Variants in SYN3 observed in about 807,000 individuals in gnomAD.
SYN3 encodes synapsin III, also known as synapsin-3.
SYN3 carries 35 observed loss-of-function variants against 65.8 expected under a neutral mutation model. The observed-to-expected ratio is 0.53, with a 90% CI of 0.41 to 0.70. The LOEUF is 0.70. Ranked by LOEUF, SYN3 falls within the 30% of genes least tolerant of loss-of-function variation. The pLI, the probability that SYN3 is intolerant of heterozygous loss-of-function variation, is 0.00. For missense variants in SYN3, 680 were observed against 749.0 expected (o/e 0.91, Z 1.08); for synonymous variants, 270 against 292.9 (o/e 0.92, Z 0.80).
Position 32,514,949 on chromosome 22 carries a change from G to A in SYN3, c.1611-1125C>T, listed in dbSNP as rs867523409. On this transcript the variant is annotated intron_variant, in intron 13 of 13. Coordinates refer to ENST00000358763, the MANE Select transcript of SYN3 (RefSeq NM_003490.4). The stretch of plus-strand genomic sequence containing the variant: ...GAGAATGGCATGAATCCTTGAGGCG[G>A]AGCTTGCAGTGAGCCGAGATGGCGC... Among the ~76,000 whole-genome samples the A allele has an allele frequency of 2.4e-4, 37 of 152,184 alleles. No individual in the cohort carries two copies. The Middle Eastern group carries it at 0.014, about 56-fold the overall frequency.
intron 6 of SYN3, among the ~76,000 whole-genome samples, chr22:32,617,063 A>G (rs900029795): frequency 5.9e-5 from 9 of 152,198 alleles, no homozygotes; most frequent in Non-Finnish European, 1.2e-4. Flanking sequence ...AGGGCCTCAA[A>G]TAGAGATTCC....
rs1371059053 is a variant in SYN3 at position 32,837,574 on chromosome 22, G to C, written c.711+27341C>G. On this transcript the variant is annotated intron_variant, in intron 6 of 13. Coordinates refer to ENST00000358763, the MANE Select transcript of SYN3 (RefSeq NM_003490.4). The surrounding 1 kb of genome is among the most constrained non-coding windows in gnomAD (Gnocchi z 4.1). ...CATGAAATACTAACGTTGAAGATTA[G>C]AAATGGGATGTGCACTGGAATGAGA... Among the ~76,000 whole-genome samples, 4 of 152,100 alleles carry C rather than the reference G, an allele frequency of 2.6e-5. No homozygotes were observed. The highest frequency in any genetic ancestry group is 9.7e-5 in the African/African-American group (4 of 41,404).
At chr22:33,051,113 G>A (rs1295934052) in intron 1 of SYN3, among the ~76,000 whole-genome samples, 1 of 152,116 alleles carries the variant, frequency 6.6e-6, no homozygotes. Context: ...GGAGAGAACT[G>A]AGGCTCAGAA....
At chr22:32,555,269 T>C (rs1348105980) in intron 7 of SYN3, among the ~76,000 whole-genome samples, 1 of 152,172 alleles carries the variant, frequency 6.6e-6, no homozygotes, top group East Asian at 1.9e-4. Context: ...TAATAGGGAA[T>C]AATGCTTGAA....
chr22:32,570,000 G>A (rs187737950), intron 7 of SYN3, among the ~76,000 whole-genome samples: 146 of 152,260 alleles, frequency 9.6e-4, no homozygotes, highest in African/African-American at 3.2e-3. Context: ...GATGGCTTAC[G>A]TTTTCTGGGC....
Position 32,962,666 on chromosome 22 carries a change from T to C in SYN3, c.369+17979A>G, listed in dbSNP as rs144122598. On this transcript the variant is annotated intron_variant, in intron 3 of 13. Coordinates refer to ENST00000358763, the MANE Select transcript of SYN3 (RefSeq NM_003490.4). ...GACAGACAGGAGTTCAAATCCTGGC[T>C]CTGCCAATTCTAAGCTGCGTTGCTG... 2.5e-4 allele frequency among the ~76,000 whole-genome samples: 38 copies of C among 152,254 alleles called. 1 individual carries two copies. The East Asian group carries it at 7.2e-3, about 29-fold the overall frequency.
intron 6 of SYN3, among the ~76,000 whole-genome samples, chr22:32,742,028 C>G (rs1013229060): frequency 2.6e-5 from 4 of 151,746 alleles, no homozygotes; most frequent in African/African-American, 9.7e-5. Context: ...AATCCCAGCA[C>G]TTTGGGAGCC....
chr22:32,682,927 C>A (rs1309807790), intron 6 of SYN3, among the ~76,000 whole-genome samples: 2 of 152,146 alleles, frequency 1.3e-5, no homozygotes, highest in Non-Finnish European at 2.9e-5. Context: ...AGCTGTGACA[C>A]ATTCCGTTAA....
intron 6 of SYN3, among the ~76,000 whole-genome samples, chr22:32,646,517 AC>A (rs2059985869): frequency 2.6e-5 from 4 of 152,204 alleles, no homozygotes; most frequent in Non-Finnish European, 5.9e-5. Context: ...TGAGTTTTAA[AC>A]ATCCGGCTAG....
chr22:32,703,505 C>T (rs891537077), intron 6 of SYN3, among the ~76,000 whole-genome samples: 43 of 152,076 alleles, frequency 2.8e-4, no homozygotes, highest in Admixed American at 1.9e-3. Context: ...GGCGTGGTAG[C>T]GGATGCCTGT....
At chr22:32,966,740 C>A (rs533518313) in intron 3 of SYN3, among the ~76,000 whole-genome samples, 1 of 152,054 alleles carries the variant, frequency 6.6e-6, no homozygotes, top group African/African-American at 2.4e-5. Flanking sequence ...TACAGTGAGA[C>A]CCTGTCTCTA....
chr22:32,641,464 T>C (rs780153460), intron 6 of SYN3, among the ~76,000 whole-genome samples: 33 of 151,360 alleles, frequency 2.2e-4, no homozygotes, highest in Non-Finnish European at 3.8e-4. Flanking sequence ...AAAAATTAGC[T>C]GGGCGTGGTG....
chr22:32,921,297 A>G lies in SYN3; in HGVS notation c.461+10093T>C, dbSNP rs563411403. On this transcript the variant is annotated intron_variant, in intron 4 of 13. Transcript: ENST00000358763. ...CATGTCATCCTTACAAAAACTATGC[A>G]AAATAATATTATTACCTTTTACAGA... 6.6e-5 allele frequency among the ~76,000 whole-genome samples: 10 copies of G among 152,318 alleles called. No homozygotes were observed. The East Asian group carries it at 1.7e-3, about 26-fold the overall frequency.
At chr22:32,652,710 C>A (rs1010916491) in intron 6 of SYN3, among the ~76,000 whole-genome samples, 16 of 152,094 alleles carry the variant, frequency 1.1e-4, no homozygotes, top group Non-Finnish European at 4.4e-5. Context: ...ATGTCAGAGA[C>A]CATTTTGTCA....
intron 7 of SYN3, among the ~76,000 whole-genome samples, chr22:32,592,162 T>C (rs1485754278): frequency 2.0e-5 from 3 of 152,194 alleles, no homozygotes; most frequent in Non-Finnish European, 4.4e-5. Flanking sequence ...TGTATTGACA[T>C]TTTGGGGCAG....
At chr22:32,534,808 A>T (rs2058136550) in intron 9 of SYN3, among the ~76,000 whole-genome samples, 1 of 152,112 alleles carries the variant, frequency 6.6e-6, no homozygotes, top group Non-Finnish European at 1.5e-5. Flanking sequence ...CTTAGAATGG[A>T]GTCTCATCTC....
intron 6 of SYN3, among the ~76,000 whole-genome samples, chr22:32,762,126 A>G (rs2045499750): frequency 2.0e-5 from 3 of 152,180 alleles, no homozygotes; most frequent in Admixed American, 2.0e-4. Flanking sequence ...AAGAGAAGGG[A>G]CTCAAGGCAG....
intron 4 of SYN3, among the ~76,000 whole-genome samples, chr22:32,928,605 T>C (rs241877): frequency 0.98 from 149,145 of 152,286 alleles, 73,043 homozygotes; most frequent in East Asian, 1. Flanking sequence ...CTGCCTTTTT[T>C]CCTCTGGCTT....
At chr22:32,520,949 T>C (rs1478530694) in intron 12 of SYN3, among the ~76,000 whole-genome samples, 1 of 152,206 alleles carries the variant, frequency 6.6e-6, no homozygotes, top group African/African-American at 2.4e-5. Context: ...CCTCCCGATC[T>C]GAACATTTTT....
Sources: gnomAD v4.1 joint callset for allele counts (sites outside exome capture counted in the v4.1 genomes callset) on GRCh38, gnomAD v4.1.1 for gene constraint, Gnocchi (gnomAD v3.1) non-coding constraint, MANE v1.5 for transcripts, NCBI Gene and HGNC (gene_info 2026-07-23, HGNC 2026-07-21) for gene names.